The following PLXDC2 variants were observed in gnomAD, a reference collection of about 807,000 sequenced individuals.
PLXDC2 encodes the protein plexin domain containing 2.
PLXDC2 carries 40 observed loss-of-function variants against 68.9 expected under a neutral mutation model. The ratio of observed to expected loss-of-function variants is 0.58; its 90% CI spans 0.45 to 0.76. The LOEUF is 0.76. Ranked by LOEUF, PLXDC2 falls within the 30% of genes least tolerant of loss-of-function variation. The pLI is 0.00. For synonymous variants in PLXDC2, 243 were observed against 234.2 expected (o/e 1.04, Z -0.34); for missense variants, 644 against 661.9 (o/e 0.97, Z 0.30).
intron 1 of PLXDC2, among the ~76,000 whole-genome samples, chr10:19,826,597 A>G (rs775317622): frequency 5.9e-5 from 9 of 152,242 alleles, no homozygotes; most frequent in Middle Eastern, 3.2e-3. Flanking sequence ...CATTCTTGCT[A>G]TATTACAAAG....
At chr10:19,860,991 G>T (rs1837309608) in intron 1 of PLXDC2, among the ~76,000 whole-genome samples, 1 of 147,586 alleles carries the variant, frequency 6.8e-6, no homozygotes, top group Non-Finnish European at 1.5e-5. Flanking sequence ...CAGGACTCTT[G>T]TATTGCTTTG....
intron 1 of PLXDC2, among the ~76,000 whole-genome samples, chr10:19,976,824 T>TAA (rs1388738204): frequency 2.0e-5 from 3 of 151,986 alleles, no homozygotes; most frequent in African/African-American, 7.2e-5. Flanking sequence ...GACTCTCTTT[T>TAA]ATTTTTTTTT....
Position 20,034,646 on chromosome 10 carries a change from C to A in PLXDC2, c.325-12223C>A, listed in dbSNP as rs7085809. ...TTCATGCTTCTATTAATGTTAATAGCATAAGAATGTAGAATGCCTGTTTTG... is the reference window on the plus strand; with the variant it reads ...TTCATGCTTCTATTAATGTTAATAGAATAAGAATGTAGAATGCCTGTTTTG... On this transcript the variant is annotated intron_variant, in intron 2 of 13. Coordinates refer to ENST00000377252, the MANE Select transcript of PLXDC2 (RefSeq NM_032812.9). 2.7e-3 allele frequency among the ~76,000 whole-genome samples: 418 copies of A among 152,282 alleles called. 5 individuals carry two copies. The highest frequency in any genetic ancestry group is 9.0e-3 in the African/African-American group (376 of 41,558).
chr10:20,187,821 A>G (rs1489566152), intron 9 of PLXDC2, among the ~76,000 whole-genome samples: 2 of 151,908 alleles, frequency 1.3e-5, no homozygotes, highest in Non-Finnish European at 2.9e-5. Context: ...CAGAAATATT[A>G]AAAGAGCTGG....
chr10:20,262,695 C>G (rs1055099546), intron 13 of PLXDC2, among the ~76,000 whole-genome samples: 1 of 152,248 alleles, frequency 6.6e-6, no homozygotes, highest in African/African-American at 2.4e-5. Flanking sequence ...CTCTTTGCTG[C>G]CATCTTTACT....
intron 3 of PLXDC2, among the ~76,000 whole-genome samples, chr10:20,067,310 A>G (rs527365969): frequency 7.9e-5 from 12 of 152,218 alleles, no homozygotes; most frequent in Non-Finnish European, 1.5e-4. Context: ...AACCAATATT[A>G]TTTATCCTAG....
chr10:20,266,982 A>G (rs1835879698), intron 13 of PLXDC2, among the ~76,000 whole-genome samples: 1 of 152,190 alleles, frequency 6.6e-6, no homozygotes, highest in Non-Finnish European at 1.5e-5. Flanking sequence ...GGAAACATCA[A>G]ACGAAGTCAT....
intron 9 of PLXDC2, among the ~76,000 whole-genome samples, chr10:20,197,242 A>G (rs949197621): frequency 2.6e-5 from 4 of 152,240 alleles, no homozygotes; most frequent in Non-Finnish European, 4.4e-5. Context: ...TCATTCATGT[A>G]TACATAATCA....
intron 1 of PLXDC2, among the ~76,000 whole-genome samples, chr10:19,927,813 C>T (rs1025406045): frequency 3.5e-5 from 5 of 143,894 alleles, no homozygotes; most frequent in Non-Finnish European, 6.0e-5. Flanking sequence ...CTTTTATATA[C>T]ATTTTTTATT....
chr10:19,988,731 T>A (rs1300185642), intron 1 of PLXDC2, among the ~76,000 whole-genome samples: 1 of 150,582 alleles, frequency 6.6e-6, no homozygotes, highest in Non-Finnish European at 1.5e-5. Flanking sequence ...GTCTAAAATA[T>A]TTATATTGGC....
chr10:19,887,997 C>T (rs186272424), intron 1 of PLXDC2, among the ~76,000 whole-genome samples: 2 of 152,282 alleles, frequency 1.3e-5, no homozygotes, highest in Non-Finnish European at 2.9e-5. Context: ...TTTTTAATTG[C>T]AGTTTGCTGT....
At chr10:20,264,733 G>T (rs1394925902) in intron 13 of PLXDC2, among the ~76,000 whole-genome samples, 1 of 151,710 alleles carries the variant, frequency 6.6e-6, no homozygotes, top group African/African-American at 2.4e-5. Flanking sequence ...TAATTGAAAA[G>T]AATTAAATCA....
intron 1 of PLXDC2, among the ~76,000 whole-genome samples, chr10:19,889,910 T>C (rs1166928616): frequency 6.6e-6 from 1 of 152,184 alleles, no homozygotes; most frequent in Admixed American, 6.5e-5. Flanking sequence ...GGGTTGTTGG[T>C]TTATAGATTA....
At chr10:20,240,711 C>A (rs1461405801) in intron 12 of PLXDC2, among the ~76,000 whole-genome samples, 418 of 99,840 alleles carry the variant, frequency 4.2e-3, no homozygotes, top group East Asian at 7.8e-3. Context: ...TTGCAGTAGC[C>A]AAAAAAAAAA....
intron 1 of PLXDC2, among the ~76,000 whole-genome samples, chr10:19,854,928 A>C (rs1417179766): frequency 5.3e-5 from 8 of 152,238 alleles, no homozygotes; most frequent in Admixed American, 5.2e-4. Flanking sequence ...AGTTGTTAGA[A>C]TCAGCTCAGC....
At chr10:19,829,013 C>G (rs1836629311) in intron 1 of PLXDC2, among the ~76,000 whole-genome samples, 1 of 152,120 alleles carries the variant, frequency 6.6e-6, no homozygotes, top group South Asian at 2.1e-4. Flanking sequence ...TTCCGTTGCT[C>G]TCATGCTGAA....
intron 2 of PLXDC2, among the ~76,000 whole-genome samples, chr10:20,040,253 C>G (rs1451903943): frequency 6.6e-6 from 1 of 152,118 alleles, no homozygotes; most frequent in Non-Finnish European, 1.5e-5. Flanking sequence ...CGCCAGTTTC[C>G]CAATGCACCC....
Position 19,978,392 on chromosome 10 carries a change from A to G in PLXDC2, c.113-23383A>G, listed in dbSNP as rs77523302. ...TTTCTTTATAGTTTATTTTTATTCCACTGTTTATAAAACCCTGAGCTCTTT... is the reference window on the plus strand; with the variant it reads ...TTTCTTTATAGTTTATTTTTATTCCGCTGTTTATAAAACCCTGAGCTCTTT... On this transcript the variant is annotated intron_variant, in intron 1 of 13. Transcript: ENST00000377252. 3.8e-3 allele frequency among the ~76,000 whole-genome samples: 575 copies of G among 151,908 alleles called. 4 individuals carry two copies. The highest frequency in any genetic ancestry group is 0.013 in the African/African-American group (558 of 41,446).
chr10:20,182,071 T>TTGTGTGTGTGTGTGTGTGTGTG (rs111252782), intron 9 of PLXDC2, among the ~76,000 whole-genome samples: 4 of 146,456 alleles, frequency 2.7e-5, no homozygotes, highest in East Asian at 2.0e-4. Flanking sequence ...AACCGGTTAT[T>TTGTGTGTGTGTGTGTGTGTGTG]TGTGTGTGTG....
Sources: allele counts gnomAD v4.1 joint callset (sites outside exome capture counted in the v4.1 genomes callset), GRCh38; gene constraint gnomAD v4.1.1; transcripts MANE v1.5; gene names NCBI Gene and HGNC (gene_info 2026-07-23, HGNC 2026-07-21).